Variants in CC2D2A observed in about 807,000 individuals in gnomAD.
CC2D2A encodes the protein coiled-coil and C2 domain containing 2A, also known as coiled-coil and C2 domain-containing protein 2A.
CC2D2A carries 155 observed loss-of-function variants against 212.9 expected under a neutral mutation model. The ratio of observed to expected loss-of-function variants is 0.73; its 90% CI spans 0.64 to 0.83. The LOEUF (loss-of-function observed/expected upper bound fraction) is 0.83, where lower values mean the gene tolerates loss of function less well. Among genes scored for constraint, CC2D2A ranks in the 40% least tolerant of loss-of-function variants. The probability of loss-of-function intolerance (pLI) is 0.00; values close to 1 mark genes in which losing one functional copy is unlikely to be tolerated. For synonymous variants in CC2D2A, 667 were observed against 686.5 expected (o/e 0.97, Z 0.44); for missense variants, 1,856 against 1,956.2 (o/e 0.95, Z 0.97).
intron 6 of CC2D2A, among the ~76,000 whole-genome samples, chr4:15,503,387 T>C (rs1716075112): frequency 6.6e-6 from 1 of 152,232 alleles, no homozygotes; most frequent in Non-Finnish European, 1.5e-5. Flanking sequence ...TGTTATCACA[T>C]TTCATTATCC....
At chr4:15,487,940 T>C (rs1412835709) in intron 4 of CC2D2A, among the ~76,000 whole-genome samples, 1 of 141,328 alleles carries the variant, frequency 7.1e-6, no homozygotes, top group East Asian at 2.0e-4. Context: ...TGAAAAATTC[T>C]ATATTTTAAC....
chr4:15,589,312 G>A (rs962293001), intron 32 of CC2D2A, among the ~76,000 whole-genome samples: 2 of 152,100 alleles, frequency 1.3e-5, no homozygotes, highest in South Asian at 2.1e-4. Context: ...GATGATGACT[G>A]TCCTTTTTTG....
chr4:15,553,077 G>C lies in CC2D2A; in HGVS notation c.2339-81G>C, dbSNP rs114741225. 1,328 of 1,312,236 alleles carry C rather than the reference G, an allele frequency of 1.0e-3. 15 individuals are homozygous for C. The African/African-American group carries it at 0.018, about 18-fold the overall frequency. 81.3% of individuals were successfully genotyped at this position (1,312,236 alleles called of 1,614,324 possible). Reference sequence around the variant, plus strand: ...CCCCCACCCACTCCAAGTTCCATTTGTCTACTATCTGCTTTCTTGCCAGGA... The same window carrying C: ...CCCCCACCCACTCCAAGTTCCATTTCTCTACTATCTGCTTTCTTGCCAGGA... On this transcript the variant is annotated intron_variant, in intron 18 of 36. Coordinates refer to ENST00000424120, the MANE Select transcript of CC2D2A (RefSeq NM_001378615.1).
At position 15,510,078 on chromosome 4, in the gene CC2D2A, T is replaced by C. The variant is rs866011426; in HGVS notation, c.439-61T>C. The stretch of plus-strand genomic sequence containing the variant: ...GGGATGGGGGGGTTAACCTTCATTT[T>C]AGAACAGCCTAAGTTTCTTGGGTTA... On this transcript the variant is annotated intron_variant, in intron 6 of 36. Transcript: ENST00000424120. 35 of 1,301,216 alleles carry C rather than the reference T, an allele frequency of 2.7e-5. No individual in the cohort carries two copies. The Middle Eastern group carries it at 5.5e-4, about 20-fold the overall frequency. 80.6% of individuals were successfully genotyped at this position (1,301,216 alleles called of 1,614,324 possible).
chr4:15,480,086 C>T (rs1714529170), intron 3 of CC2D2A, among the ~76,000 whole-genome samples: 1 of 152,216 alleles, frequency 6.6e-6, no homozygotes, highest in Admixed American at 6.5e-5. Context: ...GTGACTCAAA[C>T]ATTGTAGCAT....
In CC2D2A at chr4:15,559,273, T is replaced by A; in HGVS notation, c.2922+16T>A. The A allele has an allele frequency of 6.7e-7, 1 of 1,488,370 alleles. No homozygotes were observed. The highest frequency in any genetic ancestry group is 2.5e-5 in the East Asian group (1 of 40,544). The allele number at this position is 1,488,370 out of a possible 1,614,324, so 92.2% of individuals were successfully genotyped here. A position where few individuals can be genotyped will look rare whatever the true frequency, so the allele number is the denominator to read the frequency against. On this transcript the variant is annotated intron_variant, in intron 22 of 36. Transcript: ENST00000424120. ...CCTCCAGCAGGTAAGAAAAATCATA[T>A]AAAACTGTCTTCATAGGGAGAAAAG...
chr4:15,540,740 C>G (rs1426531442), intron 16 of CC2D2A, 97 bp from the exon 17 acceptor site: 1 of 1,103,460 alleles, frequency 9.1e-7, no homozygotes, highest in East Asian at 2.6e-5. Flanking sequence ...GAGTTGCCTG[C>G]AGTGTGTCTT....
At chr4:15,567,891 G>A in intron 26 of CC2D2A, 105 bp downstream of exon 26, 1 of 755,590 alleles carries the variant, frequency 1.3e-6, no homozygotes, top group African/African-American at 1.9e-5. Flanking sequence ...TAGCTAGTGA[G>A]CGGCAACAAG....
intron 1 of CC2D2A, among the ~76,000 whole-genome samples, chr4:15,475,178 G>C (rs1714103809): frequency 6.6e-6 from 1 of 152,218 alleles, no homozygotes; most frequent in Non-Finnish European, 1.5e-5. Flanking sequence ...GGAGGCTGAT[G>C]CAGAAGAATC....
intron 28 of CC2D2A, 113 bp downstream of exon 28, chr4:15,570,609 C>T (rs1720113976): frequency 1.6e-6 from 1 of 638,634 alleles, no homozygotes; most frequent in South Asian, 1.8e-5. Flanking sequence ...AATCCCAGCA[C>T]TTTGGGAGGC....
chr4:15,552,990 C>A (rs1470677385), intron 18 of CC2D2A, among the ~76,000 whole-genome samples, 168 bp from the exon 19 acceptor site: 1 of 152,236 alleles, frequency 6.6e-6, no homozygotes, highest in African/African-American at 2.4e-5. Context: ...GAGCAGCTGT[C>A]AGCATCATCA....
rs1719660288 is a variant in CC2D2A, at chr4:15,562,508, GAGA to G, written c.3015-844_3015-842del. 2.6e-5 allele frequency among the ~76,000 whole-genome samples: 4 copies of G among 152,304 alleles called. No individual in the cohort carries two copies. In the South Asian group the frequency reaches 8.3e-4, roughly 32 times the overall value. ...ATCTCCGTGAAAGGTAGAGACATGA[GAGA>G]AGGAGTCTCTTGCTTCTCCCCTAAC... On this transcript the variant is annotated intron_variant, in intron 23 of 36. Coordinates refer to ENST00000424120, the MANE Select transcript of CC2D2A (RefSeq NM_001378615.1).
chr4:15,579,721 T>C (rs1262514238), intron 29 of CC2D2A, among the ~76,000 whole-genome samples: 1 of 152,234 alleles, frequency 6.6e-6, no homozygotes, highest in African/African-American at 2.4e-5. Context: ...AGTTTCCATA[T>C]GGCTGCTTAC....
chr4:15,587,569 C>T (rs1720906394), intron 31 of CC2D2A, among the ~76,000 whole-genome samples: 1 of 152,180 alleles, frequency 6.6e-6, no homozygotes, highest in African/African-American at 2.4e-5. Flanking sequence ...TTCTCCCCGA[C>T]CCTACCACAA....
rs568341606 is a variant in CC2D2A, at chr4:15,580,855, C to T, written c.3975+684C>T. 4.6e-5 allele frequency among the ~76,000 whole-genome samples: 7 copies of T among 152,254 alleles called. No homozygotes were observed. The South Asian group carries it at 1.0e-3, about 23-fold the overall frequency. Reference sequence around the variant, plus strand: ...GTACTAAGATAACTATCCAGTATTACGCCTAATGCTATATGCATCACTGAG... The same window carrying T: ...GTACTAAGATAACTATCCAGTATTATGCCTAATGCTATATGCATCACTGAG... On this transcript the variant is annotated intron_variant, in intron 30 of 36. Transcript: ENST00000424120.
intron 36 of CC2D2A, among the ~76,000 whole-genome samples, chr4:15,600,773 T>A (rs1721553075): frequency 6.6e-6 from 1 of 151,818 alleles, no homozygotes; most frequent in Non-Finnish European, 1.5e-5. Flanking sequence ...TGGTGGCACT[T>A]GCCTGCAGTC....
chr4:15,600,028 TTAAGGATATGGTTTTA>T (rs1721512885), intron 36 of CC2D2A, among the ~76,000 whole-genome samples: 2 of 152,220 alleles, frequency 1.3e-5, no homozygotes. Flanking sequence ...AGCAGTTTTT[TTAAGGATATGGTTTTA>T]TACTGATTGC....
chr4:15,586,283 C>A, intron 31 of CC2D2A, 37 bp downstream of exon 31: 3 of 1,301,822 alleles, frequency 2.3e-6, no homozygotes, highest in South Asian at 1.5e-5. Flanking sequence ...GAAACTTGAG[C>A]TGACTTAATG....
intron 33 of CC2D2A, among the ~76,000 whole-genome samples, chr4:15,592,411 A>G (rs909951723): frequency 1.3e-5 from 2 of 152,196 alleles, no homozygotes; most frequent in Non-Finnish European, 2.9e-5. Context: ...CTTCCTGACC[A>G]TACTGCAGAA....
Sources: allele counts gnomAD v4.1 joint callset (sites outside exome capture counted in the v4.1 genomes callset), GRCh38; gene constraint gnomAD v4.1.1; transcripts MANE v1.5; gene names NCBI Gene and HGNC (gene_info 2026-07-23, HGNC 2026-07-21).